BDH2: variants seen among roughly 807,000 people sequenced by gnomAD.
BDH2 encodes the protein dehydrogenase/reductase SDR family member 6.
Under a neutral mutation model 33.2 loss-of-function variants are expected in BDH2, and 24 were observed. The observed-to-expected ratio is 0.72, with a 90% CI of 0.52 to 1.02. The LOEUF (loss-of-function observed/expected upper bound fraction) is 1.02. BDH2 is among the 50% of genes least tolerant of loss of function. The probability of loss-of-function intolerance (pLI) is 0.00; values close to 1 mark genes in which losing one functional copy is unlikely to be tolerated. For synonymous variants in BDH2, 81 were observed against 101.6 expected (o/e 0.80, Z 1.22); for missense variants, 249 against 301.6 (o/e 0.83, Z 1.29).
intron 5 of BDH2, among the ~76,000 whole-genome samples, chr4:103,089,986 T>C (rs529236806): frequency 6.6e-6 from 1 of 152,356 alleles, no homozygotes; most frequent in East Asian, 1.9e-4. Flanking sequence ...AATGTTCATC[T>C]GGAACCTTCT....
chr4:103,080,705 A>G (rs1356686281), intron 9 of BDH2, among the ~76,000 whole-genome samples: 1 of 152,222 alleles, frequency 6.6e-6, no homozygotes, highest in Non-Finnish European at 1.5e-5. Context: ...TAAAAAGCCA[A>G]AGGTACTTTT....
rs199575146 is a variant in BDH2 at position 103,082,123 on chromosome 4, T to C, written c.642A>G (p.Ala214=). The change falls in exon 9 of 10, where the codon GCA becomes GCG. Residue 214 remains alanine, a synonymous_variant. Coordinates refer to ENST00000296424, the MANE Select transcript of BDH2 (RefSeq NM_020139.4). ...ACACGCAGAGCATGGCTATTTCTTC[T>C]GCAGTTGCGAATCTTCCCGTCTTTT... ...KRQKTGRFAT[A]EEIAMLCVYL... The C allele has an allele frequency of 3.1e-6, 5 of 1,614,228 alleles. No individual in the cohort carries two copies. In the East Asian group the frequency reaches 6.7e-5, roughly 22 times the overall value.
At position 103,095,192 on chromosome 4, in the gene BDH2, G is replaced by C. The variant is rs1376776308; in HGVS notation, c.151+11C>G. 3 of 1,611,220 alleles carry C rather than the reference G, an allele frequency of 1.9e-6. No homozygotes were observed. In the Admixed American group the frequency reaches 5.0e-5, roughly 27 times the overall value. The stretch of plus-strand genomic sequence containing the variant: ...CACTGAATCCCAAATTCAAGCTGCT[G>C]AGTTGCTTACCCGGGTACTTTTCCA... On this transcript the variant is annotated intron_variant, in intron 3 of 9. Coordinates refer to ENST00000296424, the MANE Select transcript of BDH2 (RefSeq NM_020139.4).
intron 5 of BDH2, among the ~76,000 whole-genome samples, chr4:103,088,341 T>G (rs148120528): frequency 6.6e-6 from 1 of 152,356 alleles, no homozygotes; most frequent in Non-Finnish European, 1.5e-5. Flanking sequence ...TTATGTAGGT[T>G]CAATCTCTAG....
At chr4:103,091,814 CA>C in intron 4 of BDH2, 1 of 451,498 alleles carries the variant, frequency 2.2e-6, no homozygotes, top group Admixed American at 2.4e-5. Context: ...TCAAGAGCAA[CA>C]GTGCCCTCAG....
At chr4:103,081,655 T>TA (rs986163016) in intron 9 of BDH2, among the ~76,000 whole-genome samples, 3 of 152,198 alleles carry the variant, frequency 2.0e-5, no homozygotes, top group Non-Finnish European at 4.4e-5. Flanking sequence ...AAGTCACAAG[T>TA]AAAACTAAAA....
intron 9 of BDH2, among the ~76,000 whole-genome samples, chr4:103,081,632 A>T (rs986758019): frequency 2.0e-5 from 3 of 152,210 alleles, no homozygotes; most frequent in African/African-American, 7.2e-5. Context: ...GAGCCAGTGG[A>T]ATTCTCCCAA....
intron 2 of BDH2, 33 bp from the exon 3 acceptor site, chr4:103,095,314 T>C: frequency 6.6e-7 from 1 of 1,524,082 alleles, no homozygotes; most frequent in Non-Finnish European, 9.1e-7. Flanking sequence ...AAATCCTTTG[T>C]TTACTTGAAT....
chr4:103,093,361 C>G (rs997372729), intron 3 of BDH2, among the ~76,000 whole-genome samples: 2 of 151,692 alleles, frequency 1.3e-5, no homozygotes, highest in African/African-American at 4.8e-5. Context: ...TATTTCTGGA[C>G]TAAACTGCAA....
chr4:103,078,563 T>A lies in BDH2; in HGVS notation c.*1139A>T, dbSNP rs1221983983. ...GCATCCGTTAAGTATAAACACTGGA[T>A]TATTTTTCATAACATAACAGGTCAA... On this transcript the variant is annotated 3_prime_UTR_variant, in exon 10 of 10. Transcript: ENST00000296424. 7.2e-5 allele frequency among the ~76,000 whole-genome samples: 11 copies of A among 152,194 alleles called. No individual in the cohort carries two copies. The highest frequency in any genetic ancestry group is 1.5e-4 in the Non-Finnish European group (10 of 68,036).
At chr4:103,098,478 C>A (rs1378608294) in intron 1 of BDH2, among the ~76,000 whole-genome samples, 2 of 152,154 alleles carry the variant, frequency 1.3e-5, no homozygotes, top group Non-Finnish European at 2.9e-5. Context: ...AAGTAATGGA[C>A]AATGAGGCGC....
At chr4:103,092,891 C>T (rs1045391159) in intron 3 of BDH2, among the ~76,000 whole-genome samples, 195 bp from the exon 4 acceptor site, 3 of 152,140 alleles carry the variant, frequency 2.0e-5, no homozygotes, top group Admixed American at 6.5e-5. Context: ...CCTCCAATAA[C>T]CCATCCGTCC....
At chr4:103,081,380 C>A (rs1315205583) in intron 9 of BDH2, among the ~76,000 whole-genome samples, 1 of 152,206 alleles carries the variant, frequency 6.6e-6, no homozygotes. Flanking sequence ...TCACTGCAAC[C>A]TCCGCCTCCC....
At position 103,078,802 on chromosome 4, in the gene BDH2, C is replaced by T. The variant is rs7664921; in HGVS notation, c.*900G>A. 3.3e-3 allele frequency among the ~76,000 whole-genome samples: 506 copies of T among 151,936 alleles called. 3 individuals carry two copies. Among genetic ancestry groups the T allele is most frequent in the African/African-American group, 0.011 (467 of 41,256 alleles). On this transcript the variant is annotated 3_prime_UTR_variant, in exon 10 of 10. Transcript: ENST00000296424. ...AGGTACAGGGTCTTGCTCTGTCACC[C>T]TGGAGTGCAGTGGCATGATTACAGC...
rs1248294609 is a variant in BDH2, at chr4:103,078,273, T to C, written c.*1429A>G. Among the ~76,000 whole-genome samples the C allele has an allele frequency of 2.6e-5, 4 of 152,226 alleles. No homozygotes were observed. The highest frequency in any genetic ancestry group is 9.6e-5 in the African/African-American group (4 of 41,464). ...ATTTACTTTTCTTGAAAAATTTATT[T>C]TCTTTAATTTCGTTTGTTTCCTGTT... On this transcript the variant is annotated 3_prime_UTR_variant, in exon 10 of 10. Transcript: ENST00000296424.
rs1376383987 is a variant in BDH2, at chr4:103,085,984, G to A, written c.418+496C>T. On this transcript the variant is annotated intron_variant, in intron 6 of 9. Transcript: ENST00000296424. The stretch of plus-strand genomic sequence containing the variant: ...TTGTCCTTCAACTTGACTTCTTGCT[G>A]ATGGCTCAGATCAACTGTCTTTGTG... The A allele has an allele frequency of 2.6e-6, 3 of 1,164,132 alleles. No homozygotes were observed. In the East Asian group the frequency reaches 1.9e-4, roughly 74 times the overall value. The allele number at this position is 1,164,132 out of a possible 1,614,324, so 72.1% of individuals were successfully genotyped here. A position where few individuals can be genotyped will look rare whatever the true frequency, so the allele number is the denominator to read the frequency against.
chr4:103,087,281 T>G (rs1403867508), intron 5 of BDH2, among the ~76,000 whole-genome samples: 1 of 152,044 alleles, frequency 6.6e-6, no homozygotes, highest in Non-Finnish European at 1.5e-5. Context: ...AGGGCTGAAT[T>G]TAGAACCTGG....
chr4:103,095,585 C>T (rs922522517), intron 2 of BDH2, among the ~76,000 whole-genome samples: 1 of 152,130 alleles, frequency 6.6e-6, no homozygotes, highest in African/African-American at 2.4e-5. Context: ...TACTGCTCTT[C>T]TGTAATGAGA....
chr4:103,085,833 T>C, intron 6 of BDH2: 5 of 1,274,052 alleles, frequency 3.9e-6, no homozygotes, highest in Non-Finnish European at 5.1e-6. Flanking sequence ...TCCTCTCTTG[T>C]GTATGTTGAA....
Sources: allele counts gnomAD v4.1 joint callset (sites outside exome capture counted in the v4.1 genomes callset), GRCh38; gene constraint gnomAD v4.1.1; transcripts MANE v1.5; gene names NCBI Gene and HGNC (gene_info 2026-07-23, HGNC 2026-07-21).